The following FMN1 variants were observed in gnomAD, a reference collection of about 807,000 sequenced individuals.
The protein encoded by FMN1 is formin 1.
A neutral mutation model predicts 132.4 loss-of-function variants in FMN1; 110 were observed. The observed-to-expected ratio is 0.83, with a 90% CI of 0.71 to 0.97. FMN1 has a LOEUF of 0.97. FMN1 is among the 50% of genes least tolerant of loss of function. FMN1 has a pLI of 0.00. For synonymous variants in FMN1, 722 were observed against 651.7 expected (o/e 1.11, Z -1.64); for missense variants, 1,792 against 1,705.3 (o/e 1.05, Z -0.90).
chr15:32,964,929 C>G (rs899289537), intron 8 of FMN1, among the ~76,000 whole-genome samples: 3 of 152,142 alleles, frequency 2.0e-5, no homozygotes, highest in Non-Finnish European at 2.9e-5. Context: ...GGAAACTGGG[C>G]TGTTTCATCT....
chr15:33,146,912 C>T (rs909160550), intron 4 of FMN1, among the ~76,000 whole-genome samples: 20 of 152,120 alleles, frequency 1.3e-4, no homozygotes, highest in Non-Finnish European at 7.4e-5. Flanking sequence ...CCGTGGCTCA[C>T]CCCTGTAATC....
intron 16 of FMN1, among the ~76,000 whole-genome samples, chr15:32,860,197 GGAAGGAAA>G (rs1299636133): frequency 2.1e-5 from 3 of 145,436 alleles, no homozygotes; most frequent in Non-Finnish European, 4.5e-5. Context: ...AAGGAAGGAA[GGAAGGAAA>G]GAAAGGAGAG....
At chr15:32,803,510 G>A (rs569240876) in intron 18 of FMN1, among the ~76,000 whole-genome samples, 3 of 152,286 alleles carry the variant, frequency 2.0e-5, no homozygotes, top group South Asian at 2.1e-4. Flanking sequence ...CCTGAAGTGG[G>A]TGACATGAAT....
At chr15:33,068,221 G>A in intron 5 of FMN1, 1 of 231,872 alleles carries the variant, frequency 4.3e-6, no homozygotes. Flanking sequence ...TTTGTCATAG[G>A]GAAAGTCAGC....
chr15:33,090,529 T>A (rs920977561), intron 4 of FMN1, among the ~76,000 whole-genome samples: 2 of 152,052 alleles, frequency 1.3e-5, no homozygotes, highest in Admixed American at 1.3e-4. Context: ...CTGCAACCAC[T>A]GAGAAAAATG....
Position 33,019,852 on chromosome 15 carries a change from C to T in FMN1, c.2162-11777G>A, listed in dbSNP as rs1262903830. ...GTGCAGCCCTGGTTCCCGTCCGTGC[C>T]TCTCCCTCCACACCTCCCCGCAAGC... is the stretch of plus-strand genomic sequence containing the variant. On this transcript the variant is annotated intron_variant, in intron 6 of 20. Transcript: ENST00000616417. Among the ~76,000 whole-genome samples the T allele has an allele frequency of 2.0e-5, 3 of 152,214 alleles. No homozygotes were observed. The East Asian group carries it at 5.8e-4, about 29-fold the overall frequency.
At chr15:32,859,767 T>G (rs2059220748) in intron 16 of FMN1, among the ~76,000 whole-genome samples, 1 of 152,218 alleles carries the variant, frequency 6.6e-6, no homozygotes, top group Non-Finnish European at 1.5e-5. Context: ...CTGAATGTCG[T>G]GGTTCGCACC....
At chr15:33,043,958 G>A (rs1015097157) in intron 6 of FMN1, among the ~76,000 whole-genome samples, 18 of 152,062 alleles carry the variant, frequency 1.2e-4, no homozygotes, top group African/African-American at 4.3e-4. Context: ...AGGGACCCAG[G>A]AAGTCCCCCT....
chr15:33,149,839 T>C (rs1416047151), intron 4 of FMN1: 1 of 981,962 alleles, frequency 1.0e-6, no homozygotes, highest in Non-Finnish European at 1.2e-6. Context: ...ATGGGAAGAG[T>C]TTATATTTAC....
At chr15:32,783,043 C>T (rs2056720111) in intron 19 of FMN1, among the ~76,000 whole-genome samples, 1 of 152,026 alleles carries the variant, frequency 6.6e-6, no homozygotes, top group Non-Finnish European at 1.5e-5. Flanking sequence ...CTACTGGGTA[C>T]AAGGTTCACT....
Position 32,968,909 on chromosome 15 carries a change from G to C in FMN1, c.2792C>G (p.Pro931Arg). Reference sequence around the variant, plus strand: ...AGGGTTGGGTGGGGCAGGGGAGTTAGGAAGTGGGGGTGGGGGTGGGGGTGG... The same window carrying C: ...AGGGTTGGGTGGGGCAGGGGAGTTACGAAGTGGGGGTGGGGGTGGGGGTGG... ...PPPPPPPPPL[P>R]NSPAPPNPGG... is the part of the protein sequence containing the mutation. The change falls in exon 8 of 21, where the codon CCT (proline) becomes CGT (arginine). Residue 931 changes from proline to arginine, a missense_variant. Transcript: ENST00000616417. 2.8e-6 allele frequency: 2 copies of C among 718,362 alleles called. No homozygotes were observed. Among genetic ancestry groups the C allele is most frequent in the Non-Finnish European group, 2.2e-6 (1 of 444,802 alleles). The allele number at this position is 718,362 out of a possible 1,614,324, so 44.5% of individuals were successfully genotyped here.
intron 17 of FMN1, among the ~76,000 whole-genome samples, chr15:32,821,446 A>AAT (rs2058213942): frequency 7.7e-6 from 1 of 129,770 alleles, no homozygotes; most frequent in Non-Finnish European, 1.6e-5. Flanking sequence ...TAAATATTTA[A>AAT]ATCTTTTTTT....
At chr15:33,159,492 A>G (rs1566959830) in intron 3 of FMN1, among the ~76,000 whole-genome samples, 1 of 152,256 alleles carries the variant, frequency 6.6e-6, no homozygotes, top group Admixed American at 6.5e-5. Context: ...AAGGAATCAT[A>G]CAGTATATAA....
At chr15:32,970,873 A>G (rs1431554772) in intron 7 of FMN1, 1 of 152,208 alleles carries the variant, frequency 6.6e-6, no homozygotes, top group African/African-American at 2.4e-5. Context: ...CAAACCCCTA[A>G]AGGGCTATAG....
chr15:32,783,454 G>A (rs1317444026), intron 19 of FMN1, among the ~76,000 whole-genome samples: 1 of 152,108 alleles, frequency 6.6e-6, no homozygotes, highest in Admixed American at 6.5e-5. Context: ...TGTAGAAGTT[G>A]ACTGTAACCT....
intron 16 of FMN1, among the ~76,000 whole-genome samples, chr15:32,859,104 G>T (rs1407176228): frequency 6.6e-6 from 1 of 152,204 alleles, no homozygotes; most frequent in Non-Finnish European, 1.5e-5. Flanking sequence ...CATTTGCTGA[G>T]ATAGAGAATA....
chr15:32,881,514 G>C (rs1318721333), intron 16 of FMN1, among the ~76,000 whole-genome samples: 3 of 152,160 alleles, frequency 2.0e-5, no homozygotes, highest in Non-Finnish European at 4.4e-5. Flanking sequence ...CTTGATGAGT[G>C]TTCAATCAAT....
In FMN1 at chr15:32,957,364, G is replaced by GATT. The variant is rs1222463732; in HGVS notation, c.3138+6740_3138+6742dup. Among the ~76,000 whole-genome samples the GATT allele has an allele frequency of 2.1e-5, 3 of 140,052 alleles. No homozygotes were observed. The East Asian group carries it at 6.3e-4, about 30-fold the overall frequency. The allele number at this position is 140,052 out of a possible 152,430, so 91.9% of individuals were successfully genotyped here. A position where few individuals can be genotyped will look rare whatever the true frequency, so the allele number is the denominator to read the frequency against. ...GAAAGAATCACAGACAATGAAGGTG[G>GATT]ATTTCTGGCTCCTTGTCAAGGTGCT... On this transcript the variant is annotated intron_variant, in intron 9 of 20. Transcript: ENST00000616417.
chr15:33,170,593 C>T (rs879028694), intron 3 of FMN1, among the ~76,000 whole-genome samples: 1 of 148,602 alleles, frequency 6.7e-6, no homozygotes, highest in Admixed American at 6.7e-5. Flanking sequence ...GGGCAAAGGA[C>T]AAGAATATTT....
Sources: allele counts gnomAD v4.1 joint callset (sites outside exome capture counted in the v4.1 genomes callset), GRCh38; gene constraint gnomAD v4.1.1; transcripts MANE v1.5; gene names NCBI Gene and HGNC (gene_info 2026-07-23, HGNC 2026-07-21).